Variants in FAM53B observed in about 807,000 individuals in gnomAD.
The protein encoded by FAM53B is protein FAM53B.
A neutral mutation model predicts 32.7 loss-of-function variants in FAM53B; 12 were observed. That is an observed-to-expected ratio of 0.37 (90% CI 0.24 to 0.59). FAM53B has a LOEUF of 0.59. FAM53B is among the 20% of genes least tolerant of loss of function. The pLI, the probability that FAM53B is intolerant of heterozygous loss-of-function variation, is 0.72. For missense variants in FAM53B, 477 were observed against 577.7 expected, an observed-to-expected ratio of 0.83 and a Z score of 1.79; for synonymous variants, 234 against 228.7, an observed-to-expected ratio of 1.02 and a Z score of -0.21.
chr10:124,691,324 C>T (rs1276851222), intron 3 of FAM53B, among the ~76,000 whole-genome samples: 1 of 152,126 alleles, frequency 6.6e-6, no homozygotes, highest in African/African-American at 2.4e-5. Flanking sequence ...TGAACTGGGG[C>T]GGCACAAGGA....
chr10:124,660,570 G>A (rs768890432), intron 4 of FAM53B, among the ~76,000 whole-genome samples: 6 of 152,204 alleles, frequency 3.9e-5, no homozygotes, highest in Non-Finnish European at 5.9e-5. Flanking sequence ...GGGCCCACTC[G>A]AGGCCAACGG....
chr10:124,641,809 G>T (rs1239014446), intron 4 of FAM53B, among the ~76,000 whole-genome samples: 1 of 152,184 alleles, frequency 6.6e-6, no homozygotes, highest in Non-Finnish European at 1.5e-5. Flanking sequence ...GCACTGATAA[G>T]ACTTACAGGT....
At chr10:124,683,363 G>A (rs1220659877) in intron 3 of FAM53B, among the ~76,000 whole-genome samples, 1 of 152,140 alleles carries the variant, frequency 6.6e-6, no homozygotes, top group Non-Finnish European at 1.5e-5. Flanking sequence ...TGATATCAGG[G>A]AACAACCTGT....
chr10:124,741,130 T>A (rs1950197017), intron 1 of FAM53B, among the ~76,000 whole-genome samples: 1 of 152,238 alleles, frequency 6.6e-6, no homozygotes, highest in South Asian at 2.1e-4. Flanking sequence ...TCCCTCCACA[T>A]CTGGTTTCCA....
intron 4 of FAM53B, chr10:124,667,269 C>A (rs745430862): frequency 1.3e-4 from 81 of 628,232 alleles, no homozygotes; most frequent in Non-Finnish European, 2.2e-4. Context: ...ATATACTATT[C>A]AAAGTCATTT....
At chr10:124,705,567 C>T (rs777683997) in intron 2 of FAM53B, 1 of 152,348 alleles carries the variant, frequency 6.6e-6, no homozygotes, top group Non-Finnish European at 1.5e-5. Context: ...TCACTGTATT[C>T]ACAGCTCTCC....
At chr10:124,725,516 G>A (rs1256083912) in intron 1 of FAM53B, among the ~76,000 whole-genome samples, 3 of 152,226 alleles carry the variant, frequency 2.0e-5, no homozygotes, top group African/African-American at 7.2e-5. Context: ...AAGCATTCCC[G>A]AGTACAGGGT....
At chr10:124,713,048 G>T (rs7089265) in intron 1 of FAM53B, among the ~76,000 whole-genome samples, 7,908 of 152,224 alleles carry the variant, frequency 0.052, 650 homozygotes, top group African/African-American at 0.18. Context: ...TGGTCAGCAA[G>T]ACGCCCCATG....
intron 4 of FAM53B, among the ~76,000 whole-genome samples, chr10:124,642,800 G>A (rs1034164861): frequency 6.6e-6 from 1 of 152,260 alleles, no homozygotes; most frequent in African/African-American, 2.4e-5. Context: ...CCTGCAGGGT[G>A]GAGGTCGGTC....
At chr10:124,635,063 C>T (rs1162649984) in intron 4 of FAM53B, among the ~76,000 whole-genome samples, 3 of 151,686 alleles carry the variant, frequency 2.0e-5, no homozygotes, top group Admixed American at 6.6e-5. Flanking sequence ...GAGAAGAAAA[C>T]GACCAATGAC....
intron 4 of FAM53B, chr10:124,671,150 G>T (rs756772245): frequency 1.3e-5 from 6 of 453,470 alleles, no homozygotes; most frequent in Admixed American, 7.1e-5. Flanking sequence ...CAGCCATGCC[G>T]CGTGACCTGC....
At chr10:124,640,580 T>C (rs1949464030) in intron 4 of FAM53B, among the ~76,000 whole-genome samples, 1 of 152,240 alleles carries the variant, frequency 6.6e-6, no homozygotes, top group South Asian at 2.1e-4. Flanking sequence ...AGGGCATTTC[T>C]GGAGGTTCGT....
chr10:124,643,659 C>T (rs1251794118), intron 4 of FAM53B, among the ~76,000 whole-genome samples: 2 of 152,240 alleles, frequency 1.3e-5, no homozygotes, highest in South Asian at 4.1e-4. Flanking sequence ...GCAGCGGATT[C>T]CAAAGGCGAA....
intron 4 of FAM53B, among the ~76,000 whole-genome samples, chr10:124,631,169 G>T (rs1949388610): frequency 6.6e-6 from 1 of 152,182 alleles, no homozygotes; most frequent in South Asian, 2.1e-4. Context: ...CTCTCTTGGG[G>T]CCCTCATGCT....
chr10:124,630,644 T>G (rs966404331), intron 4 of FAM53B, among the ~76,000 whole-genome samples: 5 of 152,142 alleles, frequency 3.3e-5, no homozygotes, highest in African/African-American at 1.2e-4. Flanking sequence ...CCCTGGAAGC[T>G]CCACTGATTT....
chr10:124,650,823 G>A (rs182991246), intron 4 of FAM53B, among the ~76,000 whole-genome samples: 3 of 152,198 alleles, frequency 2.0e-5, no homozygotes, highest in East Asian at 1.9e-4. Flanking sequence ...CATTTGTTTC[G>A]AGAGAGAGAT....
At chr10:124,712,564 C>T (rs929876609) in intron 1 of FAM53B, among the ~76,000 whole-genome samples, 3 of 152,096 alleles carry the variant, frequency 2.0e-5, no homozygotes, top group African/African-American at 7.2e-5. Context: ...TGCAGTTTTC[C>T]TTGCCCTGTA....
chr10:124,639,774 C>T (rs1949458676), intron 4 of FAM53B, among the ~76,000 whole-genome samples: 2 of 152,084 alleles, frequency 1.3e-5, no homozygotes, highest in African/African-American at 4.8e-5. Flanking sequence ...CTAGCTGCGT[C>T]TGAGTGAAAG....
intron 1 of FAM53B, chr10:124,742,750 C>T (rs1950206651): frequency 6.6e-6 from 1 of 152,298 alleles, no homozygotes; most frequent in Non-Finnish European, 1.5e-5. Context: ...TGCACCCGCT[C>T]CTGCAAGGCG....
Sources: allele counts gnomAD v4.1 joint callset (sites outside exome capture counted in the v4.1 genomes callset), GRCh38; gene constraint gnomAD v4.1.1; transcripts MANE v1.5; gene names NCBI Gene and HGNC (gene_info 2026-07-23, HGNC 2026-07-21).